The following LRP1B variants were observed in gnomAD, a reference collection of about 807,000 sequenced individuals.
The protein encoded by LRP1B is low-density lipoprotein receptor-related protein 1B.
Under a neutral mutation model 556.6 loss-of-function variants are expected in LRP1B, and 217 were observed. The observed-to-expected ratio is 0.39, with a 90% confidence interval of 0.35 to 0.44. The LOEUF (loss-of-function observed/expected upper bound fraction) is 0.44. Among genes scored for constraint, LRP1B ranks in the 20% least tolerant of loss-of-function variants. The probability of loss-of-function intolerance (pLI) is 1.00; values close to 1 mark genes in which losing one functional copy is unlikely to be tolerated. For missense variants in LRP1B, 5,053 were observed against 5,620.8 expected, an observed-to-expected ratio of 0.90 and a Z score of 3.23; for synonymous variants, 2,047 against 1,865.8, an observed-to-expected ratio of 1.10 and a Z score of -2.50.
chr2:140,891,517 G>A (rs1243074683), intron 23 of LRP1B, among the ~76,000 whole-genome samples: 1 of 152,036 alleles, frequency 6.6e-6, no homozygotes, highest in East Asian at 1.9e-4. Flanking sequence ...TGTATTTTAT[G>A]TTCTTACATT....
intron 41 of LRP1B, among the ~76,000 whole-genome samples, chr2:140,637,669 C>T (rs146243395): frequency 0.014 from 2,200 of 152,104 alleles, 61 homozygotes; most frequent in African/African-American, 0.049. Context: ...TGTTGTAGTC[C>T]ATCCTAGACA....
At chr2:141,538,892 G>T (rs1685153818) in intron 2 of LRP1B, among the ~76,000 whole-genome samples, 3 of 152,130 alleles carry the variant, frequency 2.0e-5, no homozygotes, top group Admixed American at 2.0e-4. Flanking sequence ...CCCGGCACTG[G>T]CCTCCCAAAA....
At position 141,885,478 on chromosome 2, in the gene LRP1B, AAAACAAAC is replaced by A. The variant is rs138474799; in HGVS notation, c.83-75085_83-75078del. 5.2e-3 allele frequency among the ~76,000 whole-genome samples: 798 copies of A among 152,112 alleles called. 12 individuals carry two copies. Among genetic ancestry groups the A allele is most frequent in the Admixed American group, 0.016 (239 of 15,284 alleles). ...GCAACTGATGGAGTCTTCTTTTTGT[AAAACAAAC>A]AAACAAACAAACAAACAAAAAACGC... On this transcript the variant is annotated intron_variant, in intron 1 of 90. Coordinates refer to ENST00000389484, the MANE Select transcript of LRP1B (RefSeq NM_018557.3).
At chr2:140,780,047 A>G (rs73961494) in intron 32 of LRP1B, among the ~76,000 whole-genome samples, 3,066 of 152,072 alleles carry the variant, frequency 0.02, 113 homozygotes, top group African/African-American at 0.069. Context: ...AAGAGAAAGA[A>G]AAAAAGGAAG....
In LRP1B at chr2:142,106,263, G is replaced by A. The variant is rs56743733; in HGVS notation, c.82+24385C>T. ...CAAAAGAAATAAAGATTGCAAAATTGGATAATTTTTTAAAATCACAAAAGT... is the reference window on the plus strand; with the variant it reads ...CAAAAGAAATAAAGATTGCAAAATTAGATAATTTTTTAAAATCACAAAAGT... On this transcript the variant is annotated intron_variant, in intron 1 of 90. Coordinates refer to ENST00000389484, the MANE Select transcript of LRP1B (RefSeq NM_018557.3). Among the ~76,000 whole-genome samples, 815 of 152,130 alleles carry A rather than the reference G, an allele frequency of 5.4e-3. 8 individuals are homozygous for A. The highest frequency in any genetic ancestry group is 0.019 in the African/African-American group (786 of 41,500).
intron 2 of LRP1B, among the ~76,000 whole-genome samples, chr2:141,581,028 T>C (rs1686943183): frequency 6.6e-6 from 1 of 152,234 alleles, no homozygotes; most frequent in Non-Finnish European, 1.5e-5. Flanking sequence ...CTGATAAGTG[T>C]ATACATGTCC....
Position 140,442,582 on chromosome 2 carries a change from T to C in LRP1B, c.10336A>G (p.Thr3446Ala), listed in dbSNP as rs1443886127. Reference protein sequence around the residue: ...CSPDYFQCKTTKHCISKLWVC... With the variant: ...CSPDYFQCKTAKHCISKLWVC... ...CACAGCTTGGAAATGCAATGCTTCG[T>C]AGTCTTACACTGGAAATAGTCTGGA... The change falls in exon 66 of 91, where the codon ACG becomes GCG. Residue 3446 changes from threonine (T) to alanine (A), a missense_variant. Transcript: ENST00000389484. 1 of 1,613,872 alleles carries C rather than the reference T, an allele frequency of 6.2e-7. No individual in the cohort carries two copies. The highest frequency in any genetic ancestry group is 1.3e-5 in the African/African-American group (1 of 74,922).
At chr2:141,071,837 G>T (rs919010037) in intron 7 of LRP1B, among the ~76,000 whole-genome samples, 10 of 152,060 alleles carry the variant, frequency 6.6e-5, no homozygotes, top group African/African-American at 2.4e-4. Context: ...ACAAACCACT[G>T]CTCGATGAAA....
At chr2:141,999,232 A>G (rs1376585977) in intron 1 of LRP1B, among the ~76,000 whole-genome samples, 1 of 152,002 alleles carries the variant, frequency 6.6e-6, no homozygotes, top group African/African-American at 2.4e-5. Flanking sequence ...ATAAGGAGGC[A>G]TGTCCGACCC....
At chr2:141,434,971 G>A (rs1378908759) in intron 3 of LRP1B, among the ~76,000 whole-genome samples, 2 of 152,028 alleles carry the variant, frequency 1.3e-5, no homozygotes, top group East Asian at 3.9e-4. Context: ...TTGACCCTTT[G>A]TCATTGTATA....
At chr2:140,517,664 A>G (rs1485851) in intron 49 of LRP1B, among the ~76,000 whole-genome samples, 107,455 of 148,428 alleles carry the variant, frequency 0.72, 39,425 homozygotes, top group Middle Eastern at 0.87. Context: ...TATTATCATT[A>G]TTTTAACCTT....
chr2:140,678,265 T>C (rs1354939417), intron 41 of LRP1B, among the ~76,000 whole-genome samples: 2 of 152,198 alleles, frequency 1.3e-5, no homozygotes, highest in Admixed American at 1.3e-4. Flanking sequence ...TGAAGGAAAT[T>C]ACGGGATTAT....
At chr2:141,924,759 G>A (rs114821344) in intron 1 of LRP1B, among the ~76,000 whole-genome samples, 11 of 152,238 alleles carry the variant, frequency 7.2e-5, no homozygotes, top group African/African-American at 1.2e-4. Context: ...CTCCCATTTC[G>A]TCATGTGGGA....
At chr2:142,086,636 C>CAAAAAAA (rs1320332486) in intron 1 of LRP1B, among the ~76,000 whole-genome samples, 4 of 48,104 alleles carry the variant, frequency 8.3e-5, no homozygotes, top group Non-Finnish European at 1.0e-4. Flanking sequence ...AACAAACAAA[C>CAAAAAAA]AAACAAAAAA....
chr2:141,782,079 G>C (rs1558871778), intron 2 of LRP1B, among the ~76,000 whole-genome samples: 1 of 152,090 alleles, frequency 6.6e-6, no homozygotes, highest in Non-Finnish European at 1.5e-5. Flanking sequence ...TTTTTGGCTT[G>C]TCTTGTGATA....
At chr2:140,806,736 T>A (rs185301390) in intron 32 of LRP1B, among the ~76,000 whole-genome samples, 85 of 152,314 alleles carry the variant, frequency 5.6e-4, no homozygotes, top group African/African-American at 1.9e-3. Context: ...TCAGTTCTAT[T>A]TTAAAGCTAT....
At chr2:141,131,812 C>T (rs967360462) in intron 7 of LRP1B, among the ~76,000 whole-genome samples, 2 of 151,838 alleles carry the variant, frequency 1.3e-5, no homozygotes, top group African/African-American at 4.8e-5. Context: ...TATGAATTCT[C>T]TCATACTGTT....
intron 35 of LRP1B, among the ~76,000 whole-genome samples, chr2:140,761,932 C>G (rs1164718363): frequency 6.6e-6 from 1 of 151,832 alleles, no homozygotes; most frequent in African/African-American, 2.4e-5. Flanking sequence ...TTTCTCTCTT[C>G]TTCTCCTCAT....
chr2:141,895,006 C>T (rs1488419244), intron 1 of LRP1B, among the ~76,000 whole-genome samples: 3 of 147,062 alleles, frequency 2.0e-5, no homozygotes, highest in African/African-American at 5.0e-5. Context: ...TGAGTTCGTG[C>T]CATTGCACTC....
Sources: allele counts gnomAD v4.1 joint callset (sites outside exome capture counted in the v4.1 genomes callset), GRCh38; gene constraint gnomAD v4.1.1; transcripts MANE v1.5; gene names NCBI Gene and HGNC (gene_info 2026-07-23, HGNC 2026-07-21).